TMEM132D: variants seen among roughly 807,000 people sequenced by gnomAD.
TMEM132D encodes transmembrane protein 132D.
TMEM132D carries 21 observed loss-of-function variants against 62.3 expected under a neutral mutation model. The ratio of observed to expected loss-of-function variants is 0.34; its 90% confidence interval spans 0.24 to 0.49. TMEM132D has a LOEUF of 0.49. Ranked by LOEUF, TMEM132D falls within the 20% of genes least tolerant of loss-of-function variation. The pLI is 0.99. For synonymous variants in TMEM132D, 621 were observed against 575.6 expected, an observed-to-expected ratio of 1.08 and a Z score of -1.13; for missense variants, 1,346 against 1,402.8, an observed-to-expected ratio of 0.96 and a Z score of 0.65.
chr12:129,491,845 G>A (rs898728487), intron 3 of TMEM132D, among the ~76,000 whole-genome samples: 2 of 152,104 alleles, frequency 1.3e-5, no homozygotes, highest in African/African-American at 2.4e-5. Flanking sequence ...GGGAGACTGC[G>A]GCAGGAGAAT....
rs1593286719 is a variant in TMEM132D, at chr12:129,178,196, T to C, written c.1443+31324A>G. On this transcript the variant is annotated intron_variant, in intron 5 of 8. Transcript: ENST00000422113. Reference sequence around the variant, plus strand: ...CTGTTGGACATTTGGGTTGATTCCATGTCTTTGCTATTGTGAATAGTGCTG... The same window carrying C: ...CTGTTGGACATTTGGGTTGATTCCACGTCTTTGCTATTGTGAATAGTGCTG... 1.3e-5 allele frequency among the ~76,000 whole-genome samples: 2 copies of C among 152,172 alleles called. 1 individual carries two copies. Among genetic ancestry groups the C allele is most frequent in the Admixed American group, 1.3e-4 (2 of 15,276 alleles).
intron 2 of TMEM132D, among the ~76,000 whole-genome samples, chr12:129,622,368 G>A (rs1879097429): frequency 6.6e-6 from 1 of 151,796 alleles, no homozygotes; most frequent in Non-Finnish European, 1.5e-5. Context: ...GGGCTCTTAC[G>A]CCTTGGCAAG....
chr12:129,136,179 G>C (rs758052890), intron 5 of TMEM132D, among the ~76,000 whole-genome samples: 2 of 152,160 alleles, frequency 1.3e-5, no homozygotes, highest in Non-Finnish European at 2.9e-5. Context: ...TTAAAGAGGA[G>C]TTGAAAATAT....
intron 2 of TMEM132D, among the ~76,000 whole-genome samples, chr12:129,665,426 G>A (rs1009810787): frequency 6.6e-6 from 1 of 152,144 alleles, no homozygotes; most frequent in Non-Finnish European, 1.5e-5. Flanking sequence ...AGCAGGAAAT[G>A]AGCGCGTGGG....
rs570267470 is a variant in TMEM132D at position 129,528,792 on chromosome 12, C to T, written c.1115+2267G>A. Among the ~76,000 whole-genome samples, 3 of 152,348 alleles carry T rather than the reference C, an allele frequency of 2.0e-5. No individual in the cohort carries two copies. In the South Asian group the frequency reaches 6.2e-4, roughly 32 times the overall value. ...TAGACAGCCCACTGTGTGCCAGACA[C>T]TGCTGTATGAGCTGGAGCATAACTG... is the stretch of plus-strand genomic sequence containing the variant. On this transcript the variant is annotated intron_variant, in intron 3 of 8. Transcript: ENST00000422113.
intron 1 of TMEM132D, among the ~76,000 whole-genome samples, chr12:129,870,441 T>G (rs1287139532): frequency 6.6e-6 from 1 of 152,202 alleles, no homozygotes; most frequent in African/African-American, 2.4e-5. Flanking sequence ...CCTTACATAA[T>G]GAAACCCCAC....
chr12:129,689,671 C>G (rs1224032247), intron 2 of TMEM132D, among the ~76,000 whole-genome samples: 1 of 152,136 alleles, frequency 6.6e-6, no homozygotes, highest in African/African-American at 2.4e-5. Context: ...AGGTTGGGAT[C>G]AATACTGTCC....
chr12:129,902,651 G>T (rs1464928354), intron 1 of TMEM132D, among the ~76,000 whole-genome samples: 10 of 152,282 alleles, frequency 6.6e-5, no homozygotes, highest in Middle Eastern at 6.8e-3. Context: ...GGCCGCTGCT[G>T]CTCCCAGCAC....
chr12:129,196,370 A>T (rs935558693), intron 5 of TMEM132D, among the ~76,000 whole-genome samples: 4 of 152,150 alleles, frequency 2.6e-5, no homozygotes, highest in African/African-American at 9.7e-5. Context: ...CATTTAAATT[A>T]TCTCCTGCCT....
rs1236141465 is a variant in TMEM132D at position 129,089,523 on chromosome 12, C to T, written c.1444-4821G>A. Among the ~76,000 whole-genome samples the T allele has an allele frequency of 2.8e-3, 205 of 72,122 alleles. 46 individuals are homozygous for T. The highest frequency in any genetic ancestry group is 6.7e-3 in the African/African-American group (183 of 27,330). The allele number at this position is 72,122 out of a possible 152,430, so 47.3% of individuals were successfully genotyped here. A position where few individuals can be genotyped will look rare whatever the true frequency, so the allele number is the denominator to read the frequency against. ...GTGTCCTCTATGACCGGGTGTCCTC[C>T]ATGACCGGGTGTCCTCCATGACCGG... is the stretch of plus-strand genomic sequence containing the variant. On this transcript the variant is annotated intron_variant, in intron 5 of 8. Coordinates refer to ENST00000422113, the MANE Select transcript of TMEM132D (RefSeq NM_133448.3).
intron 3 of TMEM132D, among the ~76,000 whole-genome samples, chr12:129,524,123 C>A (rs1487388326): frequency 2.0e-5 from 3 of 151,802 alleles, no homozygotes; most frequent in African/African-American, 7.3e-5. Flanking sequence ...GGAGATATAC[C>A]TAATGCTAAA....
At chr12:129,618,923 C>T (rs1400159836) in intron 2 of TMEM132D, among the ~76,000 whole-genome samples, 5 of 152,048 alleles carry the variant, frequency 3.3e-5, no homozygotes, top group Non-Finnish European at 5.9e-5. Flanking sequence ...CAACTCGAAG[C>T]GGGGGCTGCC....
intron 2 of TMEM132D, among the ~76,000 whole-genome samples, chr12:129,605,952 A>G (rs1319693791): frequency 2.0e-5 from 3 of 152,140 alleles, no homozygotes; most frequent in African/African-American, 7.2e-5. Context: ...CCCCTGCTGT[A>G]CTGTGGCCTC....
At chr12:129,366,069 A>G (rs1870402597) in intron 3 of TMEM132D, among the ~76,000 whole-genome samples, 1 of 152,122 alleles carries the variant, frequency 6.6e-6, no homozygotes, top group Admixed American at 6.5e-5. Context: ...AATTCTTAAA[A>G]ACTTCTTAAA....
chr12:129,342,362 G>T (rs1364120923), intron 3 of TMEM132D, among the ~76,000 whole-genome samples: 3 of 152,030 alleles, frequency 2.0e-5, no homozygotes, highest in Non-Finnish European at 4.4e-5. Context: ...TGGGAAAACT[G>T]GCTAGCCATA....
At chr12:129,537,161 A>AAAAAAAAAAT (rs1876417546) in intron 2 of TMEM132D, among the ~76,000 whole-genome samples, 1 of 151,744 alleles carries the variant, frequency 6.6e-6, no homozygotes, top group African/African-American at 2.4e-5. Flanking sequence ...CTCTGTCTAA[A>AAAAAAAAAAT]AAAAAAAAAA....
At chr12:129,649,644 C>G (rs1322097142) in intron 2 of TMEM132D, among the ~76,000 whole-genome samples, 1 of 151,622 alleles carries the variant, frequency 6.6e-6, no homozygotes, top group Admixed American at 6.6e-5. Context: ...GAAATATATT[C>G]ATATATATGT....
chr12:129,597,701 C>T (rs1421651470), intron 2 of TMEM132D, among the ~76,000 whole-genome samples: 1 of 152,196 alleles, frequency 6.6e-6, no homozygotes, highest in Non-Finnish European at 1.5e-5. Context: ...TTCACACTCT[C>T]ACCTGCGTTT....
Position 129,073,437 on chromosome 12 carries a change from G to A in TMEM132D, c.*438C>T, listed in dbSNP as rs146776647. 230 of 155,610 alleles carry A rather than the reference G, an allele frequency of 1.5e-3. 1 individual carries two copies. The highest frequency in any genetic ancestry group is 2.6e-3 in the Non-Finnish European group (179 of 70,150). 9.6% of individuals were successfully genotyped at this position (155,610 alleles called of 1,614,324 possible). ...TGTGCTGCTCCAGTTTCGATGACAC[G>A]CTTCCTCCCATTGATCCATGGATGC... On this transcript the variant is annotated 3_prime_UTR_variant, in exon 9 of 9. Coordinates refer to ENST00000422113, the MANE Select transcript of TMEM132D (RefSeq NM_133448.3).
Sources: gnomAD v4.1 joint callset for allele counts (sites outside exome capture counted in the v4.1 genomes callset) on GRCh38, gnomAD v4.1.1 for gene constraint, MANE v1.5 for transcripts, NCBI Gene and HGNC (gene_info 2026-07-23, HGNC 2026-07-21) for gene names.